The following SLC66A1 variants were observed in gnomAD, a reference collection of about 807,000 sequenced individuals.
SLC66A1 encodes the protein lysosomal amino acid transporter 1 homolog.
A neutral mutation model predicts 33.0 loss-of-function variants in SLC66A1; 23 were observed. The observed-to-expected ratio is 0.70, with a 90% confidence interval of 0.50 to 0.99. The LOEUF (loss-of-function observed/expected upper bound fraction) is 0.99. Among genes scored for constraint, SLC66A1 ranks in the 50% least tolerant of loss-of-function variants. The pLI, the probability that SLC66A1 is intolerant of heterozygous loss-of-function variation, is 0.00. For synonymous variants in SLC66A1, 164 were observed against 175.5 expected, an observed-to-expected ratio of 0.93 and a Z score of 0.52; for missense variants, 335 against 383.6, an observed-to-expected ratio of 0.87 and a Z score of 1.06.
In SLC66A1 at chr1:19,320,619, G is replaced by A. The variant is rs541077379; in HGVS notation, c.164+2778G>A. Among the ~76,000 whole-genome samples, 37 of 151,814 alleles carry A rather than the reference G, an allele frequency of 2.4e-4. 1 individual carries two copies. In the South Asian group the frequency reaches 2.9e-3, roughly 12 times the overall value. On this transcript the variant is annotated intron_variant, in intron 2 of 7. Coordinates refer to ENST00000375153, the MANE Select transcript of SLC66A1 (RefSeq NM_001040125.2). Reference sequence around the variant, plus strand: ...TTTAGTAGAGACGGGGTTTCACCGTGTTAGCCAGGATGGTCTCGATTTCCT... The same window carrying A: ...TTTAGTAGAGACGGGGTTTCACCGTATTAGCCAGGATGGTCTCGATTTCCT...
At position 19,328,644 on chromosome 1, in the gene SLC66A1, C is replaced by A; in HGVS notation, c.*1C>A. 2 of 1,613,588 alleles carry A rather than the reference C, an allele frequency of 1.2e-6. No homozygotes were observed. The highest frequency in any genetic ancestry group is 1.7e-6 in the Non-Finnish European group (2 of 1,179,820). On this transcript the variant is annotated 3_prime_UTR_variant, in exon 8 of 8. Coordinates refer to ENST00000375153, the MANE Select transcript of SLC66A1 (RefSeq NM_001040125.2). The surrounding 1 kb of genome is among the most constrained non-coding windows in gnomAD (Gnocchi z 4.7). ...GCTTGAGCCCCTCCTCCCCAGCTGA[C>A]CAGAACCAGGCTGAGCGCAGGAGGA...
chr1:19,317,889 G>A (rs1364308063), intron 2 of SLC66A1, 48 bp downstream of exon 2: 1 of 1,585,438 alleles, frequency 6.3e-7, no homozygotes, highest in Non-Finnish European at 8.6e-7. Context: ...GTGGGGTTGA[G>A]GCAGTGGCTC....
At chr1:19,313,843 G>A (rs549702434) in intron 1 of SLC66A1, among the ~76,000 whole-genome samples, 4 of 152,340 alleles carry the variant, frequency 2.6e-5, no homozygotes, top group Admixed American at 6.5e-5. Context: ...CCCTGACTCA[G>A]CTTGGGATCA....
chr1:19,317,514 A>G, intron 1 of SLC66A1, 86 bp from the exon 2 acceptor site: 1 of 1,404,966 alleles, frequency 7.1e-7, no homozygotes, highest in East Asian at 2.5e-5. Context: ...GCCCCGTGAA[A>G]AGGCTGGGAT....
chr1:19,320,794 C>A (rs1456216426), intron 2 of SLC66A1, among the ~76,000 whole-genome samples: 1 of 147,178 alleles, frequency 6.8e-6, no homozygotes, highest in Non-Finnish European at 1.5e-5. Flanking sequence ...CTCACTGTAA[C>A]CTCTGCCTCC....
In SLC66A1 at chr1:19,327,269, G is replaced by C; in HGVS notation, c.661G>C (p.Ala221Pro). 1.2e-6 allele frequency: 2 copies of C among 1,613,906 alleles called. No individual in the cohort carries two copies. ...CCAGGGGATCTCCTACTCTCTGTTC[G>C]CGCTGGTGATGCTGGGGAACACGCT... ...STQGISYSLFALVMLGNTLYG... is the reference protein window; with the variant it reads ...STQGISYSLFPLVMLGNTLYG... The change falls in exon 7 of 8, where the codon GCG (alanine) becomes CCG (proline). Residue 221 changes from alanine (A) to proline (P), a missense_variant. Transcript: ENST00000375153.
At chr1:19,317,113 T>C (rs1009559689) in intron 1 of SLC66A1, among the ~76,000 whole-genome samples, 4 of 151,980 alleles carry the variant, frequency 2.6e-5, no homozygotes, top group African/African-American at 9.7e-5. Flanking sequence ...AGCAGATCCT[T>C]AGAGAGTAAT....
intron 2 of SLC66A1, among the ~76,000 whole-genome samples, chr1:19,322,885 ATT>A (rs11445333): frequency 0.24 from 35,837 of 148,734 alleles, 4,528 homozygotes; most frequent in South Asian, 0.33. Flanking sequence ...ATTAAAGACA[ATT>A]TTTTTTTTTT....
Position 19,326,268 on chromosome 1 carries a change from CTGT to C in SLC66A1, c.411_413del (p.Leu137del). The stretch of plus-strand genomic sequence containing the variant: ...AGTGTCTGCCCCCATCAACTCCGTG[CTGT>C]TGTTCCTCATGGGGATGGCGTGCGC... On this transcript the variant is annotated inframe_deletion, in exon 5 of 8. Coordinates refer to ENST00000375153, the MANE Select transcript of SLC66A1 (RefSeq NM_001040125.2). 1.2e-6 allele frequency: 2 copies of C among 1,606,064 alleles called. No homozygotes were observed. Among genetic ancestry groups the C allele is most frequent in the Non-Finnish European group, 1.7e-6 (2 of 1,179,738 alleles).
rs534507957 is a variant in SLC66A1 at position 19,325,640 on chromosome 1, G to A, written c.382+58G>A. 1.3e-4 allele frequency: 146 copies of A among 1,166,752 alleles called. 5 individuals carry two copies. The highest frequency in any genetic ancestry group is 6.2e-4 in the East Asian group (25 of 40,154). 72.3% of individuals were successfully genotyped at this position (1,166,752 alleles called of 1,614,324 possible). ...CTACCAGCAGCAGGGGGCAGTTGTG[G>A]GGGGGGGCGCCTGGAGTGTGGGAGG... is the stretch of plus-strand genomic sequence containing the variant. On this transcript the variant is annotated intron_variant, in intron 4 of 7. Transcript: ENST00000375153.
chr1:19,314,711 A>G (rs954493461), intron 1 of SLC66A1, among the ~76,000 whole-genome samples: 1 of 152,188 alleles, frequency 6.6e-6, no homozygotes, highest in African/African-American at 2.4e-5. Context: ...TCAAATGAGC[A>G]CAGTATACCC....
chr1:19,326,605 G>A lies in SLC66A1; in HGVS notation c.600G>A (p.Leu200=), dbSNP rs562769354. The change falls in exon 6 of 8, where the codon CTG becomes CTA. Residue 200 remains leucine, a synonymous_variant. Transcript: ENST00000375153. ...GCGTGTTGTACCTGCTTTCCCGGCTGCCTCAGATCCGCACCAACGTGAGCC... is the reference window on the plus strand; with the variant it reads ...GCGTGTTGTACCTGCTTTCCCGGCTACCTCAGATCCGCACCAACGTGAGCC... ...ISSVLYLLSR[L]PQIRTNFLRK... 1.1e-5 allele frequency: 18 copies of A among 1,614,222 alleles called. No homozygotes were observed. In the African/African-American group the frequency reaches 1.7e-4, roughly 16 times the overall value.
intron 1 of SLC66A1, among the ~76,000 whole-genome samples, chr1:19,316,301 C>T (rs2093804934): frequency 1.3e-5 from 2 of 151,682 alleles, no homozygotes; most frequent in East Asian, 1.9e-4. Context: ...CCCGGGGATC[C>T]CTTGCTCCTC....
chr1:19,333,843 GCAGTGAGTCAAGACAGCAC>G (rs548354984), downstream of SLC66A1, among the ~76,000 whole-genome samples: 1 of 152,248 alleles, frequency 6.6e-6, no homozygotes, highest in African/African-American at 2.4e-5. The surrounding 1 kb of genome is among the most constrained non-coding windows in gnomAD (Gnocchi z 4.2). Context: ...GGTCAAGGCT[GCAGTGAGTCAAGACAGCAC>G]CACTGCACTC....
At position 19,328,983 on chromosome 1, in the gene SLC66A1, A is replaced by G. The variant is rs939900200; in HGVS notation, c.*340A>G. ...AGACAACTGAATAAACAGGCCGGGT[A>G]CAGTGGCTCGCACCTGTAATCCTAG... On this transcript the variant is annotated 3_prime_UTR_variant, in exon 8 of 8. Coordinates refer to ENST00000375153, the MANE Select transcript of SLC66A1 (RefSeq NM_001040125.2). This position sits in a 1 kb window ranked among gnomAD's most constrained non-coding sequence, Gnocchi z 4.7. The G allele has an allele frequency of 5.1e-5, 19 of 374,766 alleles. No homozygotes were observed. The highest frequency in any genetic ancestry group is 2.9e-4 in the African/African-American group (14 of 48,058). The allele number at this position is 374,766 out of a possible 1,614,324, so 23.2% of individuals were successfully genotyped here. A position where few individuals can be genotyped will look rare whatever the true frequency, so the allele number is the denominator to read the frequency against.
At chr1:19,327,559 C>CCCCCCCCCCCCT in intron 7 of SLC66A1, 147 bp downstream of exon 7, 1 of 1,016,108 alleles carries the variant, frequency 9.8e-7, no homozygotes, top group Non-Finnish European at 1.5e-6. Context: ...CTCCCTCCAT[C>CCCCCCCCCCCCT]TGTTCACCCA....
At chr1:19,332,176 G>A (rs1213744813), downstream of SLC66A1, among the ~76,000 whole-genome samples, 1 of 152,194 alleles carries the variant, frequency 6.6e-6, no homozygotes, top group Non-Finnish European at 1.5e-5. Flanking sequence ...AGGAGCTGGT[G>A]ACATTCTGAT....
At chr1:19,316,110 G>A (rs557844873) in intron 1 of SLC66A1, among the ~76,000 whole-genome samples, 2 of 152,322 alleles carry the variant, frequency 1.3e-5, no homozygotes, top group South Asian at 4.1e-4. Flanking sequence ...AGGGTGCCCG[G>A]GTAGCGGGAG....
chr1:19,320,629 A>C (rs1185128924), intron 2 of SLC66A1, among the ~76,000 whole-genome samples: 3 of 151,316 alleles, frequency 2.0e-5, no homozygotes, highest in African/African-American at 4.9e-5. Flanking sequence ...GTTAGCCAGG[A>C]TGGTCTCGAT....
Sources: gnomAD v4.1 joint callset for allele counts (sites outside exome capture counted in the v4.1 genomes callset) on GRCh38, gnomAD v4.1.1 for gene constraint, Gnocchi (gnomAD v3.1) non-coding constraint, MANE v1.5 for transcripts, NCBI Gene and HGNC (gene_info 2026-07-23, HGNC 2026-07-21) for gene names.